NRG3: variants seen among roughly 807,000 people sequenced by gnomAD.
NRG3 encodes pro-neuregulin-3, membrane-bound isoform.
Under a neutral mutation model 66.9 loss-of-function variants are expected in NRG3, and 31 were observed. That is an observed-to-expected ratio of 0.46 (90% CI 0.35 to 0.63). The LOEUF (loss-of-function observed/expected upper bound fraction) is 0.63, where lower values mean the gene tolerates loss of function less well. NRG3 is among the 20% of genes least tolerant of loss of function. The pLI, the probability that NRG3 is intolerant of heterozygous loss-of-function variation, is 0.00. For missense variants in NRG3, 910 were observed against 878.9 expected (o/e 1.04, Z -0.45); for synonymous variants, 393 against 359.4 (o/e 1.09, Z -1.06).
At chr10:82,138,911 G>A (rs568381963) in intron 1 of NRG3, among the ~76,000 whole-genome samples, 1 of 152,116 alleles carries the variant, frequency 6.6e-6, no homozygotes, top group African/African-American at 2.4e-5. Flanking sequence ...TGATTAGATT[G>A]TGCTCACCCA....
intron 2 of NRG3, among the ~76,000 whole-genome samples, chr10:82,688,055 C>G (rs1292843039): frequency 6.6e-6 from 1 of 152,174 alleles, no homozygotes; most frequent in Non-Finnish European, 1.5e-5. Flanking sequence ...TTCCACATTA[C>G]CACCCATGTG....
chr10:81,877,638 CA>C, intron 1 of NRG3: 1 of 1,181,706 alleles, frequency 8.5e-7, no homozygotes, highest in African/African-American at 1.6e-5. Flanking sequence ...GAAAAAAAAG[CA>C]AACCTACTTT....
At chr10:82,174,896 T>A (rs576041526) in intron 1 of NRG3, among the ~76,000 whole-genome samples, 1 of 152,280 alleles carries the variant, frequency 6.6e-6, no homozygotes, top group African/African-American at 2.4e-5. Context: ...GAAGCCTATT[T>A]AAGCCCCATG....
chr10:82,047,324 GAGAAA>G (rs959744836), intron 1 of NRG3, among the ~76,000 whole-genome samples: 80 of 152,058 alleles, frequency 5.3e-4, no homozygotes, highest in Admixed American at 1.3e-4. Context: ...TGAAATGAAG[GAGAAA>G]ATGTTAAGGG....
Position 82,734,774 on chromosome 10 carries a change from T to G in NRG3, c.954-3803T>G, listed in dbSNP as rs1050671787. Among the ~76,000 whole-genome samples the G allele has an allele frequency of 3.3e-5, 5 of 151,924 alleles. No homozygotes were observed. In the South Asian group the frequency reaches 1.0e-3, roughly 32 times the overall value. On this transcript the variant is annotated intron_variant, in intron 2 of 8. Transcript: ENST00000372141. Reference sequence around the variant, plus strand: ...GCTCACACCTGTAAACCCAAACACTTTGGGAGGCCAAGACAGGAGGATTGC... The same window carrying G: ...GCTCACACCTGTAAACCCAAACACTGTGGGAGGCCAAGACAGGAGGATTGC...
chr10:82,862,477 A>G (rs76360653), intron 3 of NRG3, among the ~76,000 whole-genome samples: 1,716 of 152,302 alleles, frequency 0.011, 15 homozygotes, highest in Admixed American at 0.016. Context: ...TATGTGTTAG[A>G]GCATGTAGAT....
At chr10:82,798,974 C>G (rs1180950247) in intron 3 of NRG3, among the ~76,000 whole-genome samples, 1 of 152,058 alleles carries the variant, frequency 6.6e-6, no homozygotes. Flanking sequence ...CTGGGAGATA[C>G]TCAAGGTTCA....
intron 2 of NRG3, among the ~76,000 whole-genome samples, chr10:82,525,880 A>G (rs78037494): frequency 0.013 from 1,988 of 152,086 alleles, 23 homozygotes; most frequent in Non-Finnish European, 0.021. Context: ...AAAAACTTAC[A>G]AAATACAACT....
At chr10:82,974,239 C>T (rs1178164278) in intron 7 of NRG3, among the ~76,000 whole-genome samples, 5 of 152,176 alleles carry the variant, frequency 3.3e-5, no homozygotes, top group African/African-American at 1.2e-4. Context: ...CTAGATTACA[C>T]AGTTAATGAG....
chr10:82,622,968 A>G (rs1365978563), intron 2 of NRG3, among the ~76,000 whole-genome samples: 1 of 151,152 alleles, frequency 6.6e-6, no homozygotes, highest in African/African-American at 2.4e-5. Flanking sequence ...TCAATTTTGG[A>G]TGGGTTTTTT....
At chr10:82,318,048 C>A (rs112102056) in intron 1 of NRG3, among the ~76,000 whole-genome samples, 1 of 151,632 alleles carries the variant, frequency 6.6e-6, no homozygotes, top group Non-Finnish European at 1.5e-5. Flanking sequence ...AGGGGAACAA[C>A]GAGATATGCC....
chr10:82,672,415 A>C (rs1021079156), intron 2 of NRG3, among the ~76,000 whole-genome samples: 1 of 152,188 alleles, frequency 6.6e-6, no homozygotes, highest in African/African-American at 2.4e-5. Context: ...GGTGATAGAC[A>C]TGATCAGATT....
chr10:82,743,504 C>T (rs998357878), intron 3 of NRG3, among the ~76,000 whole-genome samples: 8 of 152,062 alleles, frequency 5.3e-5, no homozygotes, highest in Non-Finnish European at 7.4e-5. Context: ...AAACAATCTT[C>T]GGTAGAGTGT....
At position 82,968,728 on chromosome 10, in the gene NRG3, A is replaced by G. The variant is rs529593459; in HGVS notation, c.1285-5060A>G. On this transcript the variant is annotated intron_variant, in intron 6 of 8. Transcript: ENST00000372141. ...CTTTTAGTGATTTGGCAGTTTCTCT[A>G]AAAGATCTGCATGCTCCAGAAATAG... Among the ~76,000 whole-genome samples, 5 of 152,300 alleles carry G rather than the reference A, an allele frequency of 3.3e-5. No homozygotes were observed. The East Asian group carries it at 9.7e-4, about 29-fold the overall frequency.
chr10:82,916,229 A>G (rs1199621726), intron 4 of NRG3, among the ~76,000 whole-genome samples: 1 of 152,116 alleles, frequency 6.6e-6, no homozygotes, highest in Non-Finnish European at 1.5e-5. Context: ...AGTTAGGAGG[A>G]TTGCTTGAGC....
chr10:82,593,079 A>G (rs762985392), intron 2 of NRG3, among the ~76,000 whole-genome samples: 6 of 152,114 alleles, frequency 3.9e-5, no homozygotes, highest in Non-Finnish European at 8.8e-5. Context: ...AGTTTATTTG[A>G]ATTCTGCTAC....
rs186459772 is a variant in NRG3, at chr10:81,942,705, A to G, written c.823+66542A>G. Among the ~76,000 whole-genome samples the G allele has an allele frequency of 3.0e-3, 457 of 152,238 alleles. 1 individual carries two copies. The highest frequency in any genetic ancestry group is 9.7e-3 in the African/African-American group (404 of 41,548). ...GCTGCAATTTCTCATGCAATTTCCA[A>G]TTTTGTTTATGCCGTTTGAGGACCT... On this transcript the variant is annotated intron_variant, in intron 1 of 8. Coordinates refer to ENST00000372141, the MANE Select transcript of NRG3 (RefSeq NM_001010848.4).
chr10:82,179,230 G>T (rs959866804), intron 1 of NRG3, among the ~76,000 whole-genome samples: 5 of 151,804 alleles, frequency 3.3e-5, no homozygotes, highest in African/African-American at 1.2e-4. Context: ...TTCTTTTGCT[G>T]TGCAGAAGCT....
intron 1 of NRG3, among the ~76,000 whole-genome samples, chr10:82,027,120 C>T (rs906871952): frequency 1.3e-5 from 2 of 151,926 alleles, no homozygotes; most frequent in Non-Finnish European, 2.9e-5. Flanking sequence ...TCTGGGCATC[C>T]TTTGGGTTTA....
Sources: allele counts gnomAD v4.1 joint callset (sites outside exome capture counted in the v4.1 genomes callset), GRCh38; gene constraint gnomAD v4.1.1; transcripts MANE v1.5; gene names NCBI Gene and HGNC (gene_info 2026-07-23, HGNC 2026-07-21).